SDK1: variants seen among roughly 807,000 people sequenced by gnomAD.
The protein encoded by SDK1 is protein sidekick-1.
In SDK1, 157 loss-of-function variants were observed where a neutral mutation model predicts 245.5. The ratio of observed to expected loss-of-function variants is 0.64; its 90% CI spans 0.56 to 0.73. The LOEUF is 0.73. Among genes scored for constraint, SDK1 ranks in the 30% least tolerant of loss-of-function variants. SDK1 has a pLI of 0.00. For synonymous variants in SDK1, 1,647 were observed against 1,278.5 expected, an observed-to-expected ratio of 1.29 and a Z score of -6.15; for missense variants, 3,583 against 3,002.3, an observed-to-expected ratio of 1.19 and a Z score of -4.52.
intron 4 of SDK1, among the ~76,000 whole-genome samples, chr7:3,796,777 G>A (rs1265052624): frequency 1.3e-5 from 2 of 152,154 alleles, no homozygotes; most frequent in Non-Finnish European, 2.9e-5. Context: ...AAATGAATGT[G>A]TTGTTTGCTG....
intron 1 of SDK1, among the ~76,000 whole-genome samples, chr7:3,605,145 A>AACACAC (rs3086077): frequency 0.039 from 5,693 of 147,312 alleles, 354 homozygotes; most frequent in African/African-American, 0.13. Context: ...AAAAACAAGA[A>AACACAC]ACACACACAC....
In SDK1 at chr7:3,615,114, T is replaced by G. The variant is rs548925034; in HGVS notation, c.299-3966T>G. 2.0e-4 allele frequency among the ~76,000 whole-genome samples: 30 copies of G among 151,806 alleles called. 1 individual carries two copies. Among genetic ancestry groups the G allele is most frequent in the African/African-American group, 6.7e-4 (28 of 41,532 alleles). On this transcript the variant is annotated intron_variant, in intron 1 of 44. Coordinates refer to ENST00000404826, the MANE Select transcript of SDK1 (RefSeq NM_152744.4). ...GATTTTTGAGTTTCTATCTCGAAGC[T>G]TTTCCCTTTCGAAAAGATGTATGTT... is the stretch of plus-strand genomic sequence containing the variant.
At chr7:3,462,833 AGTCT>A (rs959799453) in intron 1 of SDK1, among the ~76,000 whole-genome samples, 2 of 152,118 alleles carry the variant, frequency 1.3e-5, no homozygotes, top group Admixed American at 6.5e-5. Context: ...GGTTCTTTCT[AGTCT>A]GTCTGGGACT....
intron 1 of SDK1, among the ~76,000 whole-genome samples, chr7:3,474,879 A>G (rs1275149771): frequency 6.6e-6 from 1 of 152,034 alleles, no homozygotes; most frequent in Non-Finnish European, 1.5e-5. Flanking sequence ...TTTTGTAGAG[A>G]CAGGGTCTCC....
At chr7:3,771,894 C>T (rs935060592) in intron 4 of SDK1, among the ~76,000 whole-genome samples, 2 of 152,180 alleles carry the variant, frequency 1.3e-5, no homozygotes, top group African/African-American at 4.8e-5. Context: ...AATGCTAATC[C>T]ATTAAACAAT....
Position 4,062,471 on chromosome 7 carries a change from T to C in SDK1, c.2912-5367T>C, listed in dbSNP as rs549289683. On this transcript the variant is annotated intron_variant, in intron 19 of 44. Transcript: ENST00000404826. ...AATGAGATTGAGTCAGTAATAACTCTCCCAACAAAGAAAAACCCAGGGCCA... is the reference window on the plus strand; with the variant it reads ...AATGAGATTGAGTCAGTAATAACTCCCCCAACAAAGAAAAACCCAGGGCCA... Among the ~76,000 whole-genome samples the C allele has an allele frequency of 5.3e-5, 8 of 152,216 alleles. No homozygotes were observed. The South Asian group carries it at 1.5e-3, about 28-fold the overall frequency.
chr7:3,713,307 A>G (rs1301652131), intron 4 of SDK1, among the ~76,000 whole-genome samples: 2 of 152,320 alleles, frequency 1.3e-5, no homozygotes, highest in East Asian at 3.9e-4. Flanking sequence ...ATAAAGTACA[A>G]TTGGGGTTGT....
intron 35 of SDK1, among the ~76,000 whole-genome samples, chr7:4,199,779 G>A (rs1418563582): frequency 3.3e-5 from 5 of 152,032 alleles, no homozygotes; most frequent in African/African-American, 1.2e-4. Flanking sequence ...ACACATCCCT[G>A]TGCTCAGTCA....
chr7:3,938,452 C>A (rs73296614), intron 5 of SDK1, among the ~76,000 whole-genome samples: 12 of 151,904 alleles, frequency 7.9e-5, no homozygotes, highest in Non-Finnish European at 1.3e-4. Flanking sequence ...ACTAACCTGG[C>A]GAACACGGTG....
chr7:4,210,234 A>C, intron 38 of SDK1, 72 bp downstream of exon 38: 6 of 1,331,908 alleles, frequency 4.5e-6, no homozygotes, highest in Non-Finnish European at 5.8e-6. Context: ...CTACACAGTG[A>C]GCCGCACCTG....
At chr7:4,065,694 G>GT (rs749991713) in intron 19 of SDK1, among the ~76,000 whole-genome samples, 1,164 of 66,304 alleles carry the variant, frequency 0.018, 110 homozygotes, top group East Asian at 0.036. Flanking sequence ...AGTGGTTGTT[G>GT]TTTTTTTTTT....
At chr7:4,072,788 G>T (rs996760607) in intron 20 of SDK1, among the ~76,000 whole-genome samples, 2 of 152,228 alleles carry the variant, frequency 1.3e-5, no homozygotes, top group Non-Finnish European at 2.9e-5. Flanking sequence ...TTACGGGCCA[G>T]AGGCGCTGTT....
At chr7:4,021,674 G>A (rs1164442709) in intron 17 of SDK1, among the ~76,000 whole-genome samples, 1 of 152,190 alleles carries the variant, frequency 6.6e-6, no homozygotes, top group Non-Finnish European at 1.5e-5. Flanking sequence ...GTTGTGCCTT[G>A]GGAACGAGTA....
At chr7:3,865,691 T>TC (rs1780804366) in intron 5 of SDK1, among the ~76,000 whole-genome samples, 1 of 151,806 alleles carries the variant, frequency 6.6e-6, no homozygotes, top group South Asian at 2.1e-4. Flanking sequence ...TTCTTTTTTT[T>TC]TTTTTTAGAA....
rs376713729 is a variant in SDK1 at position 3,407,967 on chromosome 7, CAGAG to C, written c.298+106093_298+106096del. Among the ~76,000 whole-genome samples the C allele has an allele frequency of 4.6e-5, 7 of 151,546 alleles. No individual in the cohort carries two copies. The East Asian group carries it at 1.2e-3, about 25-fold the overall frequency. On this transcript the variant is annotated intron_variant, in intron 1 of 44. Coordinates refer to ENST00000404826, the MANE Select transcript of SDK1 (RefSeq NM_152744.4). ...AGGGTATAAGCAGGGGGCTGGGAAG[CAGAG>C]AGAGAGAGAACCTAAAAAGACTTAG...
At chr7:3,430,639 C>A (rs1330138946) in intron 1 of SDK1, among the ~76,000 whole-genome samples, 1 of 152,164 alleles carries the variant, frequency 6.6e-6, no homozygotes, top group African/African-American at 2.4e-5. Context: ...AAGAGTGTGT[C>A]TGAGACCTGA....
At chr7:3,463,242 T>G (rs1213495040) in intron 1 of SDK1, among the ~76,000 whole-genome samples, 1 of 152,216 alleles carries the variant, frequency 6.6e-6, no homozygotes, top group African/African-American at 2.4e-5. Flanking sequence ...GATTAATATC[T>G]CAGTAACCAT....
At chr7:3,908,756 G>T (rs1213457356) in intron 5 of SDK1, among the ~76,000 whole-genome samples, 1 of 152,066 alleles carries the variant, frequency 6.6e-6, no homozygotes, top group East Asian at 1.9e-4. Flanking sequence ...TATTTTCCCT[G>T]TGTCTCCCGG....
Position 4,221,179 on chromosome 7 carries a change from G to A in SDK1, c.5702-60G>A. 5 of 1,596,094 alleles carry A rather than the reference G, an allele frequency of 3.1e-6. No homozygotes were observed. In the South Asian group the frequency reaches 4.4e-5, roughly 14 times the overall value. ...GACCCCCCACTGTGAAATCTCACGG[G>A]GTGGGATGTGAGCCCCGCAGGGCTG... On this transcript the variant is annotated intron_variant, in intron 39 of 44. Coordinates refer to ENST00000404826, the MANE Select transcript of SDK1 (RefSeq NM_152744.4).
Sources: allele counts gnomAD v4.1 joint callset (sites outside exome capture counted in the v4.1 genomes callset), GRCh38; gene constraint gnomAD v4.1.1; transcripts MANE v1.5; gene names NCBI Gene and HGNC (gene_info 2026-07-23, HGNC 2026-07-21).